Variants in WDR49 observed in about 807,000 individuals in gnomAD.
WDR49 encodes WD repeat domain 49.
In WDR49, 107 loss-of-function variants were observed where a neutral mutation model predicts 119.5. The ratio of observed to expected loss-of-function variants is 0.90; its 90% CI spans 0.77 to 1.05. The LOEUF is 1.05. Among genes scored for constraint, WDR49 ranks in the 50% least tolerant of loss-of-function variants. The pLI is 0.00. For synonymous variants in WDR49, 425 were observed against 418.8 expected (o/e 1.01, Z -0.18); for missense variants, 1,240 against 1,220.5 (o/e 1.02, Z -0.24).
At chr3:167,597,277 G>T (rs1320901316) in intron 7 of WDR49, among the ~76,000 whole-genome samples, 1 of 152,212 alleles carries the variant, frequency 6.6e-6, no homozygotes, top group African/African-American at 2.4e-5. Context: ...CCAAGCATTG[G>T]CAGCTTCCAC....
At chr3:167,657,340 C>CA (rs1336306147), upstream of WDR49, among the ~76,000 whole-genome samples, 3 of 151,952 alleles carry the variant, frequency 2.0e-5, no homozygotes, top group Non-Finnish European at 4.4e-5. Flanking sequence ...TAGAAATGGT[C>CA]CAAAAAAGCT....
intron 18 of WDR49, among the ~76,000 whole-genome samples, chr3:167,490,133 A>T (rs1751075258): frequency 6.6e-6 from 1 of 152,154 alleles, no homozygotes; most frequent in South Asian, 2.1e-4. Context: ...AGTAACAAAC[A>T]GGCAACAAAG....
At chr3:167,624,702 C>A (rs1340878887) in intron 3 of WDR49, among the ~76,000 whole-genome samples, 2 of 151,848 alleles carry the variant, frequency 1.3e-5, no homozygotes, top group Non-Finnish European at 2.9e-5. Context: ...AAAAGAAAGG[C>A]TAAGATTTTA....
chr3:167,521,917 G>A (rs141174528), intron 16 of WDR49, among the ~76,000 whole-genome samples: 11 of 151,932 alleles, frequency 7.2e-5, no homozygotes, highest in African/African-American at 1.7e-4. Context: ...CACATAAACC[G>A]CTGTGCACTT....
At chr3:167,490,708 A>G (rs190928954) in intron 18 of WDR49, among the ~76,000 whole-genome samples, 29 of 152,164 alleles carry the variant, frequency 1.9e-4, no homozygotes, top group African/African-American at 6.7e-4. Flanking sequence ...TCTCCAGCAC[A>G]CCCTTCTGGG....
intron 7 of WDR49, among the ~76,000 whole-genome samples, chr3:167,587,728 C>G (rs879536579): frequency 4.6e-5 from 7 of 152,154 alleles, no homozygotes; most frequent in Admixed American, 4.6e-4. Flanking sequence ...AAGTGATCCA[C>G]CCACCTCAGC....
At chr3:167,604,833 C>A (rs1715967929) in intron 5 of WDR49, among the ~76,000 whole-genome samples, 2 of 152,030 alleles carry the variant, frequency 1.3e-5, no homozygotes, top group African/African-American at 4.8e-5. Context: ...TGGAAGGCAC[C>A]ATCTAGGAAG....
intron 2 of WDR49, among the ~76,000 whole-genome samples, chr3:167,627,934 G>C (rs995506912): frequency 1.3e-5 from 2 of 151,828 alleles, no homozygotes; most frequent in African/African-American, 4.8e-5. Context: ...TCCCTACTTC[G>C]TATCCCTGTG....
intron 7 of WDR49, among the ~76,000 whole-genome samples, chr3:167,577,220 G>C (rs1714294967): frequency 6.6e-6 from 1 of 151,940 alleles, no homozygotes. Context: ...AAGAGGGTGA[G>C]TCACACTAAG....
chr3:167,536,662 A>G (rs1287176877), intron 11 of WDR49, among the ~76,000 whole-genome samples: 1 of 150,104 alleles, frequency 6.7e-6, no homozygotes, highest in Non-Finnish European at 1.5e-5. Context: ...CCTGGGCAAC[A>G]GAGTAAGACC....
intron 7 of WDR49, among the ~76,000 whole-genome samples, chr3:167,599,152 T>C (rs948385726): frequency 2.6e-5 from 4 of 152,168 alleles, no homozygotes; most frequent in Admixed American, 2.0e-4. Flanking sequence ...GCAGACAACC[T>C]TGTGTCCTTC....
At chr3:167,489,244 G>A (rs1265053269) in intron 18 of WDR49, among the ~76,000 whole-genome samples, 1 of 151,996 alleles carries the variant, frequency 6.6e-6, no homozygotes, top group Admixed American at 6.6e-5. Context: ...ATGTATATTT[G>A]TTGAATATAT....
intron 7 of WDR49, among the ~76,000 whole-genome samples, chr3:167,596,526 A>G (rs1360636610): frequency 6.6e-6 from 1 of 151,262 alleles, no homozygotes; most frequent in African/African-American, 2.4e-5. Context: ...TACACCATGG[A>G]ATACTATGCA....
At chr3:167,547,875 T>G (rs1712307791) in intron 10 of WDR49, among the ~76,000 whole-genome samples, 3 of 152,028 alleles carry the variant, frequency 2.0e-5, no homozygotes. Flanking sequence ...GCCTTGCTGT[T>G]CACTTACATG....
chr3:167,588,873 C>T (rs932980479), intron 7 of WDR49, among the ~76,000 whole-genome samples: 2 of 151,706 alleles, frequency 1.3e-5, no homozygotes, highest in Non-Finnish European at 2.9e-5. Flanking sequence ...AATATTTTCT[C>T]CCGTTCTGTG....
At chr3:167,545,549 A>G (rs1307812930) in intron 10 of WDR49, among the ~76,000 whole-genome samples, 1 of 141,514 alleles carries the variant, frequency 7.1e-6, no homozygotes, top group African/African-American at 2.6e-5. Flanking sequence ...CACTGAAATA[A>G]TGACATTCAT....
intron 7 of WDR49, among the ~76,000 whole-genome samples, chr3:167,599,024 G>A (rs973732661): frequency 1.3e-5 from 2 of 152,176 alleles, no homozygotes; most frequent in Admixed American, 1.3e-4. Flanking sequence ...AGACTGTGCT[G>A]GGTCAGATAT....
intron 2 of WDR49, among the ~76,000 whole-genome samples, chr3:167,631,881 G>A (rs888455124): frequency 5.3e-5 from 8 of 152,040 alleles, no homozygotes; most frequent in Admixed American, 2.0e-4. Flanking sequence ...AGGTTAGTCC[G>A]GGCACTTAAC....
chr3:167,608,608 A>G lies in WDR49; in HGVS notation c.959-4140T>C, dbSNP rs1037476476. ...CAGAGTTCCTGAGAGTGCCTGGGTA[A>G]AAGGTGAGAGAAAAGCCATTTCCTT... On this transcript the variant is annotated intron_variant, in intron 5 of 18. Coordinates refer to ENST00000682715, the MANE Select transcript of WDR49 (RefSeq NM_001366157.1). Among the ~76,000 whole-genome samples the G allele has an allele frequency of 3.9e-5, 6 of 152,344 alleles. No homozygotes were observed. In the East Asian group the frequency reaches 1.2e-3, roughly 29 times the overall value.
Sources: gnomAD v4.1 joint callset for allele counts (sites outside exome capture counted in the v4.1 genomes callset) on GRCh38, gnomAD v4.1.1 for gene constraint, MANE v1.5 for transcripts, NCBI Gene and HGNC (gene_info 2026-07-23, HGNC 2026-07-21) for gene names.